Variants in CAMK1G observed in about 807,000 individuals in gnomAD.
The protein encoded by CAMK1G is calcium/calmodulin dependent protein kinase IG, also known as calcium/calmodulin-dependent protein kinase type 1G.
In CAMK1G, 27 loss-of-function variants were observed where a neutral mutation model predicts 54.8. That is an observed-to-expected ratio of 0.49 (90% CI 0.36 to 0.68). The LOEUF is 0.68. Ranked by LOEUF, CAMK1G falls within the 30% of genes least tolerant of loss-of-function variation. The pLI, the probability that CAMK1G is intolerant of heterozygous loss-of-function variation, is 0.00. For synonymous variants in CAMK1G, 238 were observed against 224.9 expected (o/e 1.06, Z -0.52); for missense variants, 512 against 591.0 (o/e 0.87, Z 1.39).
intron 9 of CAMK1G, 90 bp from the exon 10 acceptor site, chr1:209,611,375 C>A: frequency 8.8e-7 from 1 of 1,133,486 alleles, no homozygotes; most frequent in Non-Finnish European, 1.3e-6. Context: ...CTCTACCCAG[C>A]TCTCACCTAG....
At chr1:209,600,401 A>G (rs1321726774) in intron 3 of CAMK1G, among the ~76,000 whole-genome samples, 4 of 152,168 alleles carry the variant, frequency 2.6e-5, no homozygotes, top group African/African-American at 4.8e-5. Flanking sequence ...ATTGAGGGCC[A>G]ACATCAGGAA....
chr1:209,593,014 A>G (rs1013813854), intron 1 of CAMK1G, among the ~76,000 whole-genome samples: 33 of 152,362 alleles, frequency 2.2e-4, no homozygotes, highest in African/African-American at 7.5e-4. Context: ...AATAAAAAAG[A>G]AACAACTGTT....
At chr1:209,609,281 C>T (rs1347407355) in intron 8 of CAMK1G, among the ~76,000 whole-genome samples, 189 bp downstream of exon 8, 1 of 152,162 alleles carries the variant, frequency 6.6e-6, no homozygotes, top group East Asian at 1.9e-4. Context: ...CATCTAAGAG[C>T]TATGCTTTTG....
At chr1:209,603,345 A>G (rs948221402) in intron 4 of CAMK1G, 57 bp downstream of exon 4, 3 of 1,436,772 alleles carry the variant, frequency 2.1e-6, no homozygotes, top group Admixed American at 1.8e-5. Context: ...TGGGAGGCCT[A>G]CAGGAGGTTG....
intron 1 of CAMK1G, among the ~76,000 whole-genome samples, chr1:209,594,316 T>C (rs974677188): frequency 2.0e-5 from 3 of 152,226 alleles, no homozygotes; most frequent in Non-Finnish European, 2.9e-5. Context: ...TTGTTATCAG[T>C]ACCCATCGGC....
intron 2 of CAMK1G, among the ~76,000 whole-genome samples, chr1:209,596,528 C>A (rs930742653): frequency 2.0e-5 from 3 of 152,098 alleles, no homozygotes; most frequent in Admixed American, 2.0e-4. Context: ...ATGCCTCCAA[C>A]TTTTAACTGT....
intron 1 of CAMK1G, among the ~76,000 whole-genome samples, chr1:209,589,416 C>A (rs1665188983): frequency 6.6e-6 from 1 of 152,222 alleles, no homozygotes; most frequent in South Asian, 2.1e-4. Flanking sequence ...CAGAGCCTCA[C>A]AGCAAGGACT....
Position 209,595,069 on chromosome 1 carries a change from T to G in CAMK1G, c.86T>G (p.Leu29Arg), listed in dbSNP as rs1186728039. ...IRKTFIFMEVLGSGAFSEVFL... is the reference protein window; with the variant it reads ...IRKTFIFMEVRGSGAFSEVFL... ...AAAACCTTCATTTTTATGGAAGTGCTGGGATCGTAAGTCCTGGGGCTGTGA... is the reference window on the plus strand; with the variant it reads ...AAAACCTTCATTTTTATGGAAGTGCGGGGATCGTAAGTCCTGGGGCTGTGA... The change falls in exon 2 of 13, where the codon CTG (leucine) becomes CGG (arginine). Residue 29 changes from leucine (L) to arginine (R), a missense_variant. By Grantham distance (102) the Leu-to-Arg change is moderately radical (BLOSUM62 -2). This residue lies in a region of CAMK1G where 186 missense variants were observed against 231.5 expected (regional missense o/e 0.80). Coordinates refer to ENST00000361322, the MANE Select transcript of CAMK1G (RefSeq NM_020439.3). The G allele has an allele frequency of 6.2e-7, 1 of 1,613,696 alleles. No homozygotes were observed. The highest frequency in any genetic ancestry group is 1.1e-5 in the South Asian group (1 of 91,060).
intron 6 of CAMK1G, 129 bp from the exon 7 acceptor site, chr1:209,607,729 T>A (rs1665685584): frequency 1.4e-6 from 1 of 690,870 alleles, no homozygotes; most frequent in East Asian, 2.6e-5. Context: ...TAGGGAGTTT[T>A]CAGTCTCCTA....
intron 1 of CAMK1G, among the ~76,000 whole-genome samples, chr1:209,593,460 A>T (rs1665306584): frequency 6.6e-6 from 1 of 152,184 alleles, no homozygotes; most frequent in African/African-American, 2.4e-5. Context: ...CCCTGCCATT[A>T]GCTGTTGGAG....
At chr1:209,585,718 AG>A (rs1323833729) in intron 1 of CAMK1G, among the ~76,000 whole-genome samples, 2 of 152,228 alleles carry the variant, frequency 1.3e-5, no homozygotes, top group Admixed American at 6.5e-5. Context: ...CTCTAAGAGG[AG>A]AGCGCCTCCC....
At position 209,609,107 on chromosome 1, in the gene CAMK1G, C is replaced by T. The variant is rs746018496; in HGVS notation, c.748+15C>T. ...TTCTGAGTCAGGTAAGGCCAGTAGGCATGAAGGAGAGATAACAGGCTCAAG... is the reference window on the plus strand; with the variant it reads ...TTCTGAGTCAGGTAAGGCCAGTAGGTATGAAGGAGAGATAACAGGCTCAAG... On this transcript the variant is annotated intron_variant, in intron 8 of 12. Coordinates refer to ENST00000361322, the MANE Select transcript of CAMK1G (RefSeq NM_020439.3). 1.5e-5 allele frequency: 25 copies of T among 1,613,824 alleles called. No homozygotes were observed. Among genetic ancestry groups the T allele is most frequent in the Admixed American group, 5.0e-5 (3 of 59,982 alleles).
intron 3 of CAMK1G, 150 bp from the exon 4 acceptor site, chr1:209,603,064 A>G: frequency 1.5e-6 from 1 of 658,104 alleles, no homozygotes; most frequent in Non-Finnish European, 2.6e-6. Context: ...AATTTGTGAC[A>G]GTCTACTTAT....
At chr1:209,588,153 G>A (rs1367004790) in intron 1 of CAMK1G, among the ~76,000 whole-genome samples, 1 of 152,202 alleles carries the variant, frequency 6.6e-6, no homozygotes, top group Non-Finnish European at 1.5e-5. Context: ...ACCAGCAAAA[G>A]GAGGGTGGCT....
In CAMK1G at chr1:209,595,095, G is replaced by A; in HGVS notation, c.92+20G>A. The A allele has an allele frequency of 2.5e-6, 4 of 1,594,866 alleles. No homozygotes were observed. The highest frequency in any genetic ancestry group is 3.4e-6 in the Non-Finnish European group (4 of 1,162,930). On this transcript the variant is annotated intron_variant, in intron 2 of 12. Coordinates refer to ENST00000361322, the MANE Select transcript of CAMK1G (RefSeq NM_020439.3). ...GGGATCGTAAGTCCTGGGGCTGTGA[G>A]GTCGGGTGGGCTGGGCTGCCTGCAG...
At position 209,603,132 on chromosome 1, in the gene CAMK1G, A is replaced by G. The variant is rs983837377; in HGVS notation, c.222-82A>G. The G allele has an allele frequency of 1.4e-5, 19 of 1,368,244 alleles. No homozygotes were observed. The African/African-American group carries it at 2.2e-4, about 16-fold the overall frequency. 84.8% of individuals were successfully genotyped at this position (1,368,244 alleles called of 1,614,324 possible). A position where few individuals can be genotyped will look rare whatever the true frequency, so the allele number is the denominator to read the frequency against. ...AACATTGCCATCAAAAGCCTCCAACAGAAACTTTTGGGCTAGGTCTGCATT... is the reference window on the plus strand; with the variant it reads ...AACATTGCCATCAAAAGCCTCCAACGGAAACTTTTGGGCTAGGTCTGCATT... On this transcript the variant is annotated intron_variant, in intron 3 of 12. Transcript: ENST00000361322.
intron 5 of CAMK1G, 117 bp downstream of exon 5, chr1:209,605,791 C>T (rs1170364077): frequency 1.4e-5 from 14 of 982,174 alleles, no homozygotes; most frequent in Non-Finnish European, 1.6e-5. Flanking sequence ...CTCCCAAGGC[C>T]CCTTCTGCCC....
rs760902604 is a variant in CAMK1G, at chr1:209,612,885, C to G, written c.*10C>G. 2.5e-6 allele frequency: 4 copies of G among 1,580,014 alleles called. No homozygotes were observed. Among genetic ancestry groups the G allele is most frequent in the Non-Finnish European group, 3.5e-6 (4 of 1,149,506 alleles). On this transcript the variant is annotated 3_prime_UTR_variant, in exon 12 of 13. Transcript: ENST00000361322. ...CTGTCTCATTATGTGATTCCTGGAG[C>G]CTGTGCCTATGTCACTGCAATTTTC... is the stretch of plus-strand genomic sequence containing the variant.
intron 2 of CAMK1G, among the ~76,000 whole-genome samples, chr1:209,599,556 T>G (rs562950388): frequency 6.6e-6 from 1 of 152,346 alleles, no homozygotes; most frequent in Non-Finnish European, 1.5e-5. Context: ...TTTGTGTATA[T>G]TTCTAGGGAT....
Sources: gnomAD v4.1 joint callset for allele counts (sites outside exome capture counted in the v4.1 genomes callset) on GRCh38, gnomAD v4.1.1 for gene constraint, gnomAD v4.1.1 regional missense constraint, MANE v1.5 for transcripts, NCBI Gene and HGNC (gene_info 2026-07-23, HGNC 2026-07-21) for gene names.